FAM168A: variants seen among roughly 807,000 people sequenced by gnomAD.
The protein encoded by FAM168A is protein FAM168A.
In FAM168A, 3 loss-of-function variants were observed where a neutral mutation model predicts 28.5. The ratio of observed to expected loss-of-function variants is 0.11; its 90% CI spans 0.05 to 0.27. The LOEUF is 0.27. Ranked by LOEUF, FAM168A falls within the 10% of genes least tolerant of loss-of-function variation. The probability of loss-of-function intolerance (pLI) is 1.00; values close to 1 mark genes in which losing one functional copy is unlikely to be tolerated. For synonymous variants in FAM168A, 122 were observed against 124.2 expected (o/e 0.98, Z 0.12); for missense variants, 222 against 311.5 (o/e 0.71, Z 2.16).
At chr11:73,491,881 C>T (rs1166406358) in intron 1 of FAM168A, among the ~76,000 whole-genome samples, 1 of 152,174 alleles carries the variant, frequency 6.6e-6, no homozygotes, top group Admixed American at 6.5e-5. Context: ...AACTGCCTGA[C>T]CAATAAGGTG....
chr11:73,431,015 A>G (rs1263497719), intron 2 of FAM168A, among the ~76,000 whole-genome samples: 1 of 152,114 alleles, frequency 6.6e-6, no homozygotes, highest in Admixed American at 6.6e-5. Flanking sequence ...AAGCAATACA[A>G]GAAATATTCT....
intron 2 of FAM168A, among the ~76,000 whole-genome samples, chr11:73,454,707 G>A (rs1164285070): frequency 1.3e-5 from 2 of 152,254 alleles, no homozygotes; most frequent in African/African-American, 4.8e-5. Context: ...CTGGTAGACG[G>A]GACTATGGCT....
rs536427820 is a variant in FAM168A, at chr11:73,583,662, A to G, written c.-19+14261T>C. Among the ~76,000 whole-genome samples the G allele has an allele frequency of 2.0e-5, 3 of 152,362 alleles. No homozygotes were observed. The South Asian group carries it at 6.2e-4, about 32-fold the overall frequency. On this transcript the variant is annotated intron_variant, in intron 1 of 7. Coordinates refer to ENST00000356467, the MANE Select transcript of FAM168A (RefSeq NM_015159.3). ...GCTAAGTCAGAGTAGACCAATTAAG[A>G]GTAACAAAGAGATATCTAGGCCAAG...
rs183927282 is a variant in FAM168A at position 73,574,019 on chromosome 11, G to A, written c.-19+23904C>T. Among the ~76,000 whole-genome samples, 964 of 152,024 alleles carry A rather than the reference G, an allele frequency of 6.3e-3. 8 individuals are homozygous for A. Among genetic ancestry groups the A allele is most frequent in the African/African-American group, 0.022 (914 of 41,420 alleles). ...GCACACCTGTGGTCCCAGCTACTCA[G>A]GAGGCGAGGCAGGGGGATCACTAAG... On this transcript the variant is annotated intron_variant, in intron 1 of 7. Coordinates refer to ENST00000356467, the MANE Select transcript of FAM168A (RefSeq NM_015159.3).
At position 73,592,856 on chromosome 11, in the gene FAM168A, G is replaced by A. The variant is rs960050843; in HGVS notation, c.-19+5067C>T. On this transcript the variant is annotated intron_variant, in intron 1 of 7. Coordinates refer to ENST00000356467, the MANE Select transcript of FAM168A (RefSeq NM_015159.3). ...GATCACTTGACCAGGACAACATAGCGAGACCCTGTCTCTACCAAAAAAAAA... is the reference window on the plus strand; with the variant it reads ...GATCACTTGACCAGGACAACATAGCAAGACCCTGTCTCTACCAAAAAAAAA... Among the ~76,000 whole-genome samples, 9 of 138,150 alleles carry A rather than the reference G, an allele frequency of 6.5e-5. No individual in the cohort carries two copies. The South Asian group carries it at 2.1e-3, about 33-fold the overall frequency. The allele number at this position is 138,150 out of a possible 152,430, so 90.6% of individuals were successfully genotyped here.
intron 1 of FAM168A, chr11:73,580,307 T>C (rs1303354719): frequency 3.5e-6 from 2 of 569,918 alleles, no homozygotes; most frequent in Non-Finnish European, 7.0e-6. Flanking sequence ...AGGTGAAGGA[T>C]GAACCACAGA....
At chr11:73,581,672 G>C (rs142227612) in intron 1 of FAM168A, among the ~76,000 whole-genome samples, 1 of 152,130 alleles carries the variant, frequency 6.6e-6, no homozygotes, top group East Asian at 1.9e-4. Context: ...TGAATACCCT[G>C]TCTCTGCTAC....
rs140648457 is a variant in FAM168A, at chr11:73,466,422, G to T, written c.70+1983C>A. Among the ~76,000 whole-genome samples the T allele has an allele frequency of 6.9e-3, 1,047 of 152,222 alleles. 11 individuals carry two copies. Among genetic ancestry groups the T allele is most frequent in the African/African-American group, 0.022 (915 of 41,534 alleles). The stretch of plus-strand genomic sequence containing the variant: ...CATCCCTTAGAAGCTATATACATTA[G>T]TCAAGTCACATGACCTGAATTAAAC... On this transcript the variant is annotated intron_variant, in intron 2 of 7. Coordinates refer to ENST00000356467, the MANE Select transcript of FAM168A (RefSeq NM_015159.3).
chr11:73,498,327 TC>T (rs901221600), intron 1 of FAM168A, among the ~76,000 whole-genome samples: 2 of 151,684 alleles, frequency 1.3e-5, no homozygotes, highest in African/African-American at 4.8e-5. Flanking sequence ...GACCCCCCCT[TC>T]CCCCCAGCCA....
intron 1 of FAM168A, among the ~76,000 whole-genome samples, chr11:73,580,773 G>A (rs1462812308): frequency 2.0e-5 from 3 of 152,212 alleles, no homozygotes; most frequent in African/African-American, 7.2e-5. Flanking sequence ...TGGCTCCCAG[G>A]AGCAGGGATT....
At chr11:73,539,639 C>T (rs965348212) in intron 1 of FAM168A, among the ~76,000 whole-genome samples, 5 of 152,200 alleles carry the variant, frequency 3.3e-5, no homozygotes, top group Non-Finnish European at 7.3e-5. Flanking sequence ...AAGAGATTAC[C>T]TCTACCTGTC....
intron 2 of FAM168A, among the ~76,000 whole-genome samples, chr11:73,433,313 A>AT (rs1030381829): frequency 2.7e-5 from 4 of 150,602 alleles, no homozygotes; most frequent in Admixed American, 2.0e-4. Context: ...ACTTACAAAT[A>AT]TTTTCTCCCA....
In FAM168A at chr11:73,413,386, C is replaced by T. The variant is rs142279691; in HGVS notation, c.278-1850G>A. On this transcript the variant is annotated intron_variant, in intron 4 of 7. Coordinates refer to ENST00000356467, the MANE Select transcript of FAM168A (RefSeq NM_015159.3). ...CATGTTAAAGAGAAGTAGAAACTAACTGGAAGTGCAACTATGAGCTGAGTG... is the reference window on the plus strand; with the variant it reads ...CATGTTAAAGAGAAGTAGAAACTAATTGGAAGTGCAACTATGAGCTGAGTG... Among the ~76,000 whole-genome samples the T allele has an allele frequency of 1.6e-4, 24 of 152,296 alleles. No individual in the cohort carries two copies. The East Asian group carries it at 4.4e-3, about 28-fold the overall frequency.
chr11:73,516,427 T>G (rs1943305027), intron 1 of FAM168A, among the ~76,000 whole-genome samples: 1 of 152,216 alleles, frequency 6.6e-6, no homozygotes, highest in Non-Finnish European at 1.5e-5. Flanking sequence ...TTAACAACAC[T>G]TAACTCTAAA....
At chr11:73,465,964 GGAGAGAGA>G (rs3073508) in intron 2 of FAM168A, among the ~76,000 whole-genome samples, 4 of 149,366 alleles carry the variant, frequency 2.7e-5, no homozygotes, top group Non-Finnish European at 4.5e-5. Flanking sequence ...GCTTTAAAAG[GGAGAGAGA>G]GAGAGAGAGA....
intron 1 of FAM168A, among the ~76,000 whole-genome samples, chr11:73,497,149 T>C (rs1854906754): frequency 2.6e-5 from 4 of 152,182 alleles, no homozygotes; most frequent in Admixed American, 2.6e-4. Flanking sequence ...CACTCTGTTT[T>C]GGCCTCTGGC....
At chr11:73,584,803 C>T (rs1031952283) in intron 1 of FAM168A, among the ~76,000 whole-genome samples, 35 of 152,110 alleles carry the variant, frequency 2.3e-4, no homozygotes, top group Non-Finnish European at 4.1e-4. Flanking sequence ...TGAGAAAAAA[C>T]TATCAACCTC....
chr11:73,444,282 T>C (rs1240796029), intron 2 of FAM168A, among the ~76,000 whole-genome samples: 2 of 152,272 alleles, frequency 1.3e-5, no homozygotes, highest in African/African-American at 4.8e-5. Flanking sequence ...AAAAGTTCCC[T>C]GTTGGAAACA....
intron 1 of FAM168A, among the ~76,000 whole-genome samples, chr11:73,517,040 G>A (rs1943312984): frequency 6.6e-6 from 1 of 152,148 alleles, no homozygotes; most frequent in Non-Finnish European, 1.5e-5. Flanking sequence ...ACAAGAGCAT[G>A]TAGTAACCAA....
Sources: allele counts gnomAD v4.1 joint callset (sites outside exome capture counted in the v4.1 genomes callset), GRCh38; gene constraint gnomAD v4.1.1; transcripts MANE v1.5; gene names NCBI Gene and HGNC (gene_info 2026-07-23, HGNC 2026-07-21).